The following FAM3C variants were observed in gnomAD, a reference collection of about 807,000 sequenced individuals.
FAM3C encodes FAM3 metabolism regulating signaling molecule C.
A neutral mutation model predicts 32.5 loss-of-function variants in FAM3C; 15 were observed. The observed-to-expected ratio is 0.46, with a 90% confidence interval of 0.31 to 0.71. The LOEUF (loss-of-function observed/expected upper bound fraction) is 0.71, where lower values mean the gene tolerates loss of function less well. Ranked by LOEUF, FAM3C falls within the 30% of genes least tolerant of loss-of-function variation. The pLI is 0.05. For synonymous variants in FAM3C, 75 were observed against 86.1 expected, an observed-to-expected ratio of 0.87 and a Z score of 0.72; for missense variants, 175 against 274.4, an observed-to-expected ratio of 0.64 and a Z score of 2.56.
intron 2 of FAM3C, among the ~76,000 whole-genome samples, chr7:121,381,782 C>T (rs373390196): frequency 6.6e-6 from 1 of 151,876 alleles, no homozygotes; most frequent in Non-Finnish European, 1.5e-5. Flanking sequence ...ACAATTGTAC[C>T]GTTACTTTTT....
intron 1 of FAM3C, among the ~76,000 whole-genome samples, chr7:121,393,756 G>T (rs911624371): frequency 6.6e-6 from 1 of 152,110 alleles, no homozygotes; most frequent in Admixed American, 6.5e-5. Context: ...AAAGTTCAAA[G>T]ATTTTGGGAA....
chr7:121,351,364 T>C, intron 8 of FAM3C, 95 bp from the exon 9 acceptor site: 1 of 1,151,170 alleles, frequency 8.7e-7, no homozygotes, highest in East Asian at 2.6e-5. Flanking sequence ...TGAGACAAAA[T>C]GAGACTTTAA....
At chr7:121,357,588 T>G (rs936144135) in intron 8 of FAM3C, among the ~76,000 whole-genome samples, 2 of 152,178 alleles carry the variant, frequency 1.3e-5, no homozygotes, top group African/African-American at 4.8e-5. Flanking sequence ...ACAATTTCTT[T>G]TACTGGTATT....
In FAM3C at chr7:121,360,080, T is replaced by C. The variant is rs200196762; in HGVS notation, c.430A>G (p.Ile144Val). ...EFLKAIQDGTIVLMGTYDDGA... is the reference protein window; with the variant it reads ...EFLKAIQDGTVVLMGTYDDGA... ...TCATCGTATGTTCCCATTAAAACTA[T>C]TGTTCCATCTTGTATGGCCTTCAGA... is the stretch of plus-strand genomic sequence containing the variant. Residue 144 changes from isoleucine to valine, a missense_variant, in exon 8 of 10, where the codon ATA (isoleucine) becomes GTA (valine). Coordinates refer to ENST00000359943, the MANE Select transcript of FAM3C (RefSeq NM_014888.3). The C allele has an allele frequency of 2.2e-5, 35 of 1,599,796 alleles. 1 individual carries two copies. The highest frequency in any genetic ancestry group is 2.9e-5 in the Non-Finnish European group (34 of 1,167,498).
intron 1 of FAM3C, among the ~76,000 whole-genome samples, chr7:121,385,995 C>G (rs1794457737): frequency 6.6e-6 from 1 of 152,060 alleles, no homozygotes; most frequent in South Asian, 2.1e-4. Flanking sequence ...TTCACTCCAG[C>G]TGTTCACTGA....
intron 7 of FAM3C, 183 bp downstream of exon 7, chr7:121,362,714 A>G: frequency 1.8e-6 from 1 of 549,314 alleles, no homozygotes; most frequent in East Asian, 3.5e-5. Context: ...TTCTAAGAAG[A>G]AGAAAGTATA....
At chr7:121,351,095 G>A (rs1308332668) in intron 9 of FAM3C, 48 bp downstream of exon 9, 1 of 1,566,852 alleles carries the variant, frequency 6.4e-7, no homozygotes. Flanking sequence ...GTACCGTAAG[G>A]TTTCACAGAA....
chr7:121,394,377 C>A (rs940674427), intron 1 of FAM3C, among the ~76,000 whole-genome samples: 1 of 152,170 alleles, frequency 6.6e-6, no homozygotes, highest in Non-Finnish European at 1.5e-5. Flanking sequence ...AGGCAGCAAT[C>A]CACATTAAAA....
chr7:121,371,439 C>T lies in FAM3C; in HGVS notation c.149-16G>A. On this transcript the variant is annotated splice_polypyrimidine_tract_variant and intron_variant, in intron 4 of 9. Transcript: ENST00000359943. Reference sequence around the variant, plus strand: ...GGCTTTGTAGCTTTGGGGGAGAAAACATGATGTCTTTTTTTAGAAAACAAG... The same window carrying T: ...GGCTTTGTAGCTTTGGGGGAGAAAATATGATGTCTTTTTTTAGAAAACAAG... The T allele has an allele frequency of 6.2e-7, 1 of 1,611,470 alleles. No individual in the cohort carries two copies. The highest frequency in any genetic ancestry group is 1.7e-5 in the Admixed American group (1 of 59,820).
intron 3 of FAM3C, among the ~76,000 whole-genome samples, chr7:121,374,357 G>A (rs2116925726): frequency 6.6e-6 from 1 of 152,236 alleles, no homozygotes; most frequent in East Asian, 1.9e-4. Context: ...ACTACTAATT[G>A]TAGGCAAAAT....
At chr7:121,354,074 C>T (rs1793762017) in intron 8 of FAM3C, among the ~76,000 whole-genome samples, 1 of 152,010 alleles carries the variant, frequency 6.6e-6, no homozygotes, top group Non-Finnish European at 1.5e-5. Flanking sequence ...TTTTAGATAT[C>T]TTCTGTGTAA....
rs1793888278 is a variant in FAM3C at position 121,360,039 on chromosome 7, A to T, written c.467+4T>A. 1 of 1,464,034 alleles carries T rather than the reference A, an allele frequency of 6.8e-7. No homozygotes were observed. Among genetic ancestry groups the T allele is most frequent in the Non-Finnish European group, 9.6e-7 (1 of 1,045,334 alleles). 90.7% of individuals were successfully genotyped at this position (1,464,034 alleles called of 1,614,324 possible). ...TTCCAAAAAGTTCTGTAAAGTTTACATACTTGGTTGCTCCATCATCGTATG... is the reference window on the plus strand; with the variant it reads ...TTCCAAAAAGTTCTGTAAAGTTTACTTACTTGGTTGCTCCATCATCGTATG... On this transcript the variant is annotated splice_donor_region_variant and intron_variant, in intron 8 of 9. Coordinates refer to ENST00000359943, the MANE Select transcript of FAM3C (RefSeq NM_014888.3).
intron 1 of FAM3C, among the ~76,000 whole-genome samples, chr7:121,395,898 C>G (rs1040004917): frequency 1.1e-4 from 17 of 151,576 alleles, no homozygotes; most frequent in African/African-American, 3.6e-4. Flanking sequence ...CAGACGCCGC[C>G]CCGTCTCCGC....
chr7:121,356,657 C>T (rs1462217762), intron 8 of FAM3C, among the ~76,000 whole-genome samples: 2 of 152,170 alleles, frequency 1.3e-5, no homozygotes, highest in Non-Finnish European at 2.9e-5. Flanking sequence ...CTTGCCCAGG[C>T]TCCAATGCTG....
chr7:121,379,242 T>C lies in FAM3C; in HGVS notation c.14-228A>G, dbSNP rs530849269. Among the ~76,000 whole-genome samples, 5 of 152,296 alleles carry C rather than the reference T, an allele frequency of 3.3e-5. No homozygotes were observed. In the East Asian group the frequency reaches 5.8e-4, roughly 18 times the overall value. On this transcript the variant is annotated intron_variant, in intron 2 of 9. Coordinates refer to ENST00000359943, the MANE Select transcript of FAM3C (RefSeq NM_014888.3). ...ATTATCTAGCTATCCAAAGGACTGC[T>C]TGAACCATCTGCCTAGTTTTATATG...
intron 5 of FAM3C, among the ~76,000 whole-genome samples, chr7:121,368,826 A>C (rs933986425): frequency 2.6e-5 from 4 of 151,840 alleles, no homozygotes; most frequent in Non-Finnish European, 5.9e-5. Flanking sequence ...CTCAGAATAC[A>C]CATCACTGTC....
chr7:121,391,308 T>A (rs1794573864), intron 1 of FAM3C, among the ~76,000 whole-genome samples: 1 of 152,114 alleles, frequency 6.6e-6, no homozygotes, highest in African/African-American at 2.4e-5. Flanking sequence ...AATCCTATAG[T>A]ACACCATCCA....
chr7:121,369,910 T>C (rs1315694249), intron 5 of FAM3C, among the ~76,000 whole-genome samples: 1 of 150,922 alleles, frequency 6.6e-6, no homozygotes, highest in East Asian at 1.9e-4. Context: ...TTGTTTACGG[T>C]TTTAATCTGT....
At chr7:121,358,248 G>A (rs972860717) in intron 8 of FAM3C, among the ~76,000 whole-genome samples, 4 of 152,010 alleles carry the variant, frequency 2.6e-5, no homozygotes, top group South Asian at 4.1e-4. Flanking sequence ...CTGTGATAAT[G>A]TAGCTATAAA....
Sources: gnomAD v4.1 joint callset for allele counts (sites outside exome capture counted in the v4.1 genomes callset) on GRCh38, gnomAD v4.1.1 for gene constraint, MANE v1.5 for transcripts, NCBI Gene and HGNC (gene_info 2026-07-23, HGNC 2026-07-21) for gene names.